PDE6A: variants seen among roughly 807,000 people sequenced by gnomAD.
The protein encoded by PDE6A is rod cGMP-specific 3',5'-cyclic phosphodiesterase subunit alpha.
A neutral mutation model predicts 106.3 loss-of-function variants in PDE6A; 84 were observed. That is an observed-to-expected ratio of 0.79 (90% CI 0.66 to 0.95). PDE6A has a LOEUF of 0.95. PDE6A is among the 40% of genes least tolerant of loss of function. The pLI, the probability that PDE6A is intolerant of heterozygous loss-of-function variation, is 0.00. For missense variants in PDE6A, 1,052 were observed against 1,084.9 expected (o/e 0.97, Z 0.43); for synonymous variants, 394 against 386.6 (o/e 1.02, Z -0.23).
intron 1 of PDE6A, among the ~76,000 whole-genome samples, chr5:149,940,582 C>G (rs533226218): frequency 2.0e-4 from 31 of 151,802 alleles, no homozygotes; most frequent in African/African-American, 7.5e-4. Flanking sequence ...ACTGCAACCT[C>G]CACCTCCCAG....
intron 4 of PDE6A, among the ~76,000 whole-genome samples, chr5:149,924,194 T>C (rs895122823): frequency 6.6e-6 from 1 of 152,144 alleles, no homozygotes; most frequent in Non-Finnish European, 1.5e-5. Context: ...ATGAAGAAGA[T>C]AACTAATAGT....
intron 13 of PDE6A, among the ~76,000 whole-genome samples, chr5:149,893,264 T>C (rs752304530): frequency 2.6e-5 from 4 of 152,156 alleles, no homozygotes; most frequent in Non-Finnish European, 4.4e-5. Context: ...CTTTAGGGCC[T>C]TGAGTCTTGG....
Position 149,867,860 on chromosome 5 carries a change from G to C in PDE6A, c.2200-61C>G. The C allele has an allele frequency of 2.7e-6, 4 of 1,479,262 alleles. No homozygotes were observed. The South Asian group carries it at 3.4e-5, about 13-fold the overall frequency. 91.6% of individuals were successfully genotyped at this position (1,479,262 alleles called of 1,614,324 possible). A position where few individuals can be genotyped will look rare whatever the true frequency, so the allele number is the denominator to read the frequency against. On this transcript the variant is annotated intron_variant, in intron 18 of 21. Coordinates refer to ENST00000255266, the MANE Select transcript of PDE6A (RefSeq NM_000440.3). ...AGCCCCAGCCCAATCCCCTACCCCTGCTCCCACCCCACTTGCAATTCCAAA... is the reference window on the plus strand; with the variant it reads ...AGCCCCAGCCCAATCCCCTACCCCTCCTCCCACCCCACTTGCAATTCCAAA...
chr5:149,875,484 ACTAT>A lies in PDE6A; in HGVS notation c.2136-7330_2136-7327del, dbSNP rs1561691454. On this transcript the variant is annotated intron_variant, in intron 17 of 21. Transcript: ENST00000255266. ...AATTTATAGCACATTATACATACTGACTATTTTTTTTTTTTTTTTTGAGTCGGAG... is the reference window on the plus strand; with the variant it reads ...AATTTATAGCACATTATACATACTGATTTTTTTTTTTTTTTTGAGTCGGAG... Among the ~76,000 whole-genome samples, 68 of 144,602 alleles carry A rather than the reference ACTAT, an allele frequency of 4.7e-4. 2 individuals are homozygous for A. The highest frequency in any genetic ancestry group is 1.8e-3 in the Admixed American group (27 of 14,770). 94.9% of individuals were successfully genotyped at this position (144,602 alleles called of 152,430 possible). A position where few individuals can be genotyped will look rare whatever the true frequency, so the allele number is the denominator to read the frequency against.
chr5:149,884,151 T>C (rs758069435), intron 16 of PDE6A, among the ~76,000 whole-genome samples: 8 of 149,804 alleles, frequency 5.3e-5, no homozygotes, highest in Non-Finnish European at 8.9e-5. Flanking sequence ...CACCGCACTC[T>C]AGCCTGGGCA....
At chr5:149,885,477 G>C (rs916142329) in intron 14 of PDE6A, among the ~76,000 whole-genome samples, 1 of 152,188 alleles carries the variant, frequency 6.6e-6, no homozygotes, top group African/African-American at 2.4e-5. Flanking sequence ...ATGCTTTATG[G>C]GCTGTCTGAA....
intron 3 of PDE6A, chr5:149,932,083 T>C (rs538502465): frequency 4.3e-6 from 6 of 1,381,968 alleles, no homozygotes; most frequent in Non-Finnish European, 5.2e-6. Flanking sequence ...ATTTCTCTTT[T>C]AGCACGTTCT....
Position 149,934,024 on chromosome 5 carries a change from A to C in PDE6A, c.628-5T>G, listed in dbSNP as rs757034771. On this transcript the variant is annotated splice_region_variant and splice_polypyrimidine_tract_variant and intron_variant, in intron 2 of 21. Transcript: ENST00000255266. The stretch of plus-strand genomic sequence containing the variant: ...ATTGAGGTACTTGAGAAGAATCTAA[A>C]AATCAAACAGCATGAGGGGAGGCAG... 1.1e-5 allele frequency: 18 copies of C among 1,565,838 alleles called. No homozygotes were observed. The Admixed American group carries it at 3.0e-4, about 26-fold the overall frequency.
intron 1 of PDE6A, among the ~76,000 whole-genome samples, chr5:149,940,505 C>CTT (rs56930344): frequency 0.017 from 2,420 of 142,016 alleles, 74 homozygotes; most frequent in African/African-American, 0.059. Flanking sequence ...TGTTTGAATC[C>CTT]TTTTTTTTTT....
At chr5:149,883,007 G>A (rs535263787) in intron 17 of PDE6A, among the ~76,000 whole-genome samples, 2 of 152,212 alleles carry the variant, frequency 1.3e-5, no homozygotes, top group East Asian at 3.9e-4. Flanking sequence ...GCAGTAAGCC[G>A]AGATCGCACC....
intron 7 of PDE6A, among the ~76,000 whole-genome samples, chr5:149,904,615 G>C (rs1002167707): frequency 6.6e-6 from 1 of 152,092 alleles, no homozygotes; most frequent in Non-Finnish European, 1.5e-5. Context: ...TTCTCAAAAA[G>C]GCACCACCTG....
intron 5 of PDE6A, among the ~76,000 whole-genome samples, chr5:149,920,006 G>T (rs1386237649): frequency 6.6e-6 from 1 of 152,102 alleles, no homozygotes; most frequent in African/African-American, 2.4e-5. Flanking sequence ...GCGTGAGAGG[G>T]ATGTTAGAAG....
intron 5 of PDE6A, among the ~76,000 whole-genome samples, 143 bp downstream of exon 5, chr5:149,921,480 CTGCTATTGAATA>C (rs1203097333): frequency 6.6e-6 from 1 of 151,654 alleles, no homozygotes. Context: ...TAGCACCTGT[CTGCTATTGAATA>C]TGAGAGATTA....
chr5:149,930,940 T>A (rs767077059), intron 4 of PDE6A, 88 bp downstream of exon 4: 44 of 1,315,832 alleles, frequency 3.3e-5, no homozygotes, highest in Non-Finnish European at 4.2e-5. Context: ...TCTTCCCCCG[T>A]GCAATTGAAT....
At position 149,934,743 on chromosome 5, in the gene PDE6A, G is replaced by C. The variant is rs557443479; in HGVS notation, c.475-25C>G. The stretch of plus-strand genomic sequence containing the variant: ...CCTAAAGGAAGGCAGAGATAAGCAC[G>C]GACAGGCAAATGAAGAGCAAGAACA... On this transcript the variant is annotated intron_variant, in intron 1 of 21. Coordinates refer to ENST00000255266, the MANE Select transcript of PDE6A (RefSeq NM_000440.3). 13 of 1,612,486 alleles carry C rather than the reference G, an allele frequency of 8.1e-6. No individual in the cohort carries two copies. In the Admixed American group the frequency reaches 1.2e-4, roughly 14 times the overall value.
intron 13 of PDE6A, 146 bp downstream of exon 13, chr5:149,895,037 C>A: frequency 1.5e-6 from 1 of 669,086 alleles, no homozygotes; most frequent in Non-Finnish European, 2.8e-6. Context: ...AATCCTTTTA[C>A]ACTAAGCCCG....
chr5:149,861,021 G>A, intron 21 of PDE6A, 50 bp from the exon 22 acceptor site: 1 of 1,541,052 alleles, frequency 6.5e-7, no homozygotes, highest in Non-Finnish European at 8.9e-7. Flanking sequence ...AGGCTGCAGT[G>A]GGCTTCCCCT....
intron 21 of PDE6A, among the ~76,000 whole-genome samples, chr5:149,861,192 A>G (rs548387334): frequency 2.2e-4 from 34 of 152,350 alleles, no homozygotes; most frequent in Admixed American, 1.4e-3. Flanking sequence ...GAGAACCAGT[A>G]CTCGGCACCA....
At chr5:149,926,471 A>G (rs1168298160) in intron 4 of PDE6A, among the ~76,000 whole-genome samples, 2 of 152,184 alleles carry the variant, frequency 1.3e-5, no homozygotes, top group Non-Finnish European at 2.9e-5. Context: ...TTCACACTAA[A>G]CATAAAAAAG....
Sources: allele counts gnomAD v4.1 joint callset (sites outside exome capture counted in the v4.1 genomes callset), GRCh38; gene constraint gnomAD v4.1.1; transcripts MANE v1.5; gene names NCBI Gene and HGNC (gene_info 2026-07-23, HGNC 2026-07-21).